The following NBPF19 variants were observed in gnomAD, a reference collection of about 807,000 sequenced individuals.
The protein encoded by NBPF19 is NBPF family member NBPF19.
NBPF19 carries 30 observed loss-of-function variants against 45.9 expected under a neutral mutation model. The ratio of observed to expected loss-of-function variants is 0.65; its 90% CI spans 0.49 to 0.89. The LOEUF is 0.89. NBPF19 is among the 40% of genes least tolerant of loss of function. The probability of loss-of-function intolerance (pLI) is 0.00; values close to 1 mark genes in which losing one functional copy is unlikely to be tolerated. For synonymous variants in NBPF19, 183 were observed against 181.2 expected (o/e 1.01, Z -0.08); for missense variants, 495 against 471.8 (o/e 1.05, Z -0.46).
intron 61 of NBPF19, among the ~76,000 whole-genome samples, 155 bp from the exon 62 acceptor site, chr1:149,529,019 C>G (rs1251998113): frequency 8.3e-6 from 1 of 120,784 alleles, no homozygotes; most frequent in Non-Finnish European, 1.7e-5. Context: ...TGGCCCTGTT[C>G]TGTCCCAACA....
chr1:149,486,107 C>T, intron 7 of NBPF19, 23 bp from the exon 8 acceptor site: 1 of 372,494 alleles, frequency 2.7e-6, no homozygotes, highest in Non-Finnish European at 4.6e-6. Context: ...CTTCTATCAT[C>T]CCTGTCCTGC....
At chr1:149,487,297 T>G in intron 8 of NBPF19, 35 bp from the exon 9 acceptor site, 2 of 1,511,088 alleles carry the variant, frequency 1.3e-6, no homozygotes, top group South Asian at 1.1e-5. Context: ...AAGGAAGAAC[T>G]TAATGTAAGA....
chr1:149,478,525 T>G (rs1275507121), intron 3 of NBPF19, among the ~76,000 whole-genome samples: 6 of 151,414 alleles, frequency 4.0e-5, no homozygotes, highest in African/African-American at 1.2e-4. Context: ...GGCTTTGTAT[T>G]TAGTGGCCGC....
chr1:149,490,975 G>A (rs2085841374), intron 13 of NBPF19, among the ~76,000 whole-genome samples, 164 bp from the exon 14 acceptor site: 1 of 127,020 alleles, frequency 7.9e-6, no homozygotes, highest in African/African-American at 3.2e-5. Flanking sequence ...TTTTCCATTT[G>A]GCCCTGTTCT....
intron 61 of NBPF19, among the ~76,000 whole-genome samples, 161 bp from the exon 62 acceptor site, chr1:149,529,013 C>T (rs1436022159): frequency 0.014 from 1,628 of 117,998 alleles, no homozygotes; most frequent in East Asian, 0.12. Context: ...TCCATTTGGC[C>T]CTGTTCTGTC....
chr1:149,485,639 C>G, intron 7 of NBPF19, among the ~76,000 whole-genome samples: 3 of 50,532 alleles, frequency 5.9e-5, no homozygotes, highest in African/African-American at 2.4e-4. Context: ...ATGCTTTCTT[C>G]CTATTTGTTG....
rs1320904248 is a variant in NBPF19, at chr1:149,475,432, T to G, written c.-399T>G. 6.6e-6 allele frequency among the ~76,000 whole-genome samples: 1 copy of G among 150,838 alleles called. No homozygotes were observed. The highest frequency in any genetic ancestry group is 1.5e-5 in the Non-Finnish European group (1 of 67,568). On this transcript the variant is annotated 5_prime_UTR_variant, in exon 1 of 94. An upstream open reading frame in the 5' UTR loses its in-frame stop. Transcript: ENST00000651566. ...AGAGATAAACAGTGAGGAATATGCTTAGATGTATTGGGAAAGACATGGGTC... is the reference window on the plus strand; with the variant it reads ...AGAGATAAACAGTGAGGAATATGCTGAGATGTATTGGGAAAGACATGGGTC...
In NBPF19 at chr1:149,495,680, CGT is replaced by C. The variant is rs1220744895; in HGVS notation, c.2223-199_2223-198del. On this transcript the variant is annotated intron_variant, in intron 19 of 93. Coordinates refer to ENST00000651566, the MANE Select transcript of NBPF19 (RefSeq NM_001351365.2). Reference sequence around the variant, plus strand: ...CTGTGTGTGTGTGTGTGTGTGTGTGCGTGTGTGTGTGTGTGTGTGTGTGTCCA... The same window carrying C: ...CTGTGTGTGTGTGTGTGTGTGTGTGCGTGTGTGTGTGTGTGTGTGTGTCCA... Among the ~76,000 whole-genome samples the C allele has an allele frequency of 7.2e-3, 250 of 34,742 alleles. No individual in the cohort carries two copies. In the East Asian group the frequency reaches 0.076, roughly 11 times the overall value. The allele number at this position is 34,742 out of a possible 152,430, so 22.8% of individuals were successfully genotyped here. A position where few individuals can be genotyped will look rare whatever the true frequency, so the allele number is the denominator to read the frequency against.
chr1:149,497,634 C>T lies in NBPF19; in HGVS notation c.2614C>T (p.Pro872Ser). ...GCLELTDSCQ[P>S]YRSAFYILEQ... ...TCTTGAACTGACTGACTCATGCCAGCCCTACAGAAGTGCCTTTTACATATT... is the reference window on the plus strand; with the variant it reads ...TCTTGAACTGACTGACTCATGCCAGTCCTACAGAAGTGCCTTTTACATATT... The change falls in exon 22 of 94, where the codon CCC (proline) becomes TCC (serine). Residue 872 changes from proline to serine, a missense_variant. Around this residue, in one of 8 missense-constraint regions of NBPF19, gnomAD observed 11 missense variants for 40.4 expected, o/e 0.27. Transcript: ENST00000651566. 4 of 117,702 alleles carry T rather than the reference C, an allele frequency of 3.4e-5. 2 individuals are homozygous for T. Among genetic ancestry groups the T allele is most frequent in the South Asian group, 3.2e-4 (4 of 12,460 alleles). The allele number at this position is 117,702 out of a possible 1,614,324, so 7.3% of individuals were successfully genotyped here.
rs1196900807 is a variant in NBPF19 at position 149,477,606 on chromosome 1, A to G, written c.176-339A>G. Reference sequence around the variant, plus strand: ...AAATCACTACTTCATGCCCCAGTGCAGTGTTTTAGAGGAGAGGCTGCAAGA... The same window carrying G: ...AAATCACTACTTCATGCCCCAGTGCGGTGTTTTAGAGGAGAGGCTGCAAGA... On this transcript the variant is annotated intron_variant, in intron 2 of 93. Transcript: ENST00000651566. Among the ~76,000 whole-genome samples the G allele has an allele frequency of 1.3e-5, 2 of 151,306 alleles. 1 individual carries two copies. The highest frequency in any genetic ancestry group is 4.9e-5 in the African/African-American group (2 of 41,158).
intron 7 of NBPF19, among the ~76,000 whole-genome samples, chr1:149,483,893 T>C (rs1476515567): frequency 7.1e-5 from 2 of 28,142 alleles, no homozygotes; most frequent in Non-Finnish European, 1.4e-4. Flanking sequence ...TTTTACACTG[T>C]TGGTGGGACT....
chr1:149,487,012 G>A (rs1192483211), intron 8 of NBPF19, among the ~76,000 whole-genome samples: 2 of 150,608 alleles, frequency 1.3e-5, no homozygotes, highest in Non-Finnish European at 3.0e-5. Context: ...GCTTAATATT[G>A]AAGTATCTCT....
rs2084788719 is a variant in NBPF19 at position 149,476,045 on chromosome 1, TC to T, written c.114del (p.Glu40ArgfsTer5). ...LAEKKQQFRN[L>X]KEKCFLTQLA... ...GAGAAGAAACAGCAGTTCAGAAACC[TC>T]AAAGAGAAATGTTTTCTAACTCAAC... On this transcript the variant is annotated frameshift_variant, in exon 2 of 94. Coordinates refer to ENST00000651566, the MANE Select transcript of NBPF19 (RefSeq NM_001351365.2). LOFTEE classifies it high-confidence loss of function. 1 of 1,606,008 alleles carries T rather than the reference TC, an allele frequency of 6.2e-7. No homozygotes were observed. The highest frequency in any genetic ancestry group is 8.5e-7 in the Non-Finnish European group (1 of 1,174,118).
Position 149,554,602 on chromosome 1 carries a change from A to C in NBPF19, c.11396A>C (p.Gln3799Pro). 2 of 1,608,328 alleles carry C rather than the reference A, an allele frequency of 1.2e-6. No individual in the cohort carries two copies. The highest frequency in any genetic ancestry group is 1.7e-6 in the Non-Finnish European group (2 of 1,176,786). Residue 3799 changes from glutamine to proline, a missense_variant, in exon 94 of 94, where the codon CAG becomes CCG. Physicochemically the swap from Gln to Pro is moderately conservative, Grantham distance 76. Around this residue, in one of 8 missense-constraint regions of NBPF19, gnomAD observed 248 missense variants for 95.4 expected, o/e 2.60. Coordinates refer to ENST00000651566, the MANE Select transcript of NBPF19 (RefSeq NM_001351365.2). ...TACTTTGAACTACCTGACTCATTCC[A>C]GCACTACAGAAGTGTGTTTTACTCA... is the stretch of plus-strand genomic sequence containing the variant. ...SMYFELPDSF[Q>P]HYRSVFYSFE... is the part of the protein sequence containing the mutation.
Position 149,515,066 on chromosome 1 carries a change from G to A in NBPF19, c.5281G>A (p.Ala1761Thr). 4.2e-6 allele frequency: 3 copies of A among 718,510 alleles called. 1 individual carries two copies. Among genetic ancestry groups the A allele is most frequent in the Non-Finnish European group, 7.2e-6 (3 of 415,640 alleles). The allele number at this position is 718,510 out of a possible 1,614,324, so 44.5% of individuals were successfully genotyped here. The stretch of plus-strand genomic sequence containing the variant: ...CCAGCCCTATGGAAGTTCCTTTTAT[G>A]CATTGGAGGAAAAACATGTTGGCTT... ...SCQPYGSSFY[A>T]LEEKHVGFSL... The change falls in exon 44 of 94, where the codon GCA becomes ACA. Residue 1761 changes from alanine (A) to threonine (T), a missense_variant. Ala to Thr is a moderately conservative substitution (Grantham distance 58). Coordinates refer to ENST00000651566, the MANE Select transcript of NBPF19 (RefSeq NM_001351365.2).
rs1434524049 is a variant in NBPF19 at position 149,484,975 on chromosome 1, ACTTCT to A, written c.825-1148_825-1144del. Among the ~76,000 whole-genome samples, 30 of 126,978 alleles carry A rather than the reference ACTTCT, an allele frequency of 2.4e-4. 2 individuals are homozygous for A. Among genetic ancestry groups the A allele is most frequent in the African/African-American group, 8.1e-4 (29 of 35,846 alleles). The allele number at this position is 126,978 out of a possible 152,430, so 83.3% of individuals were successfully genotyped here. On this transcript the variant is annotated intron_variant, in intron 7 of 93. Coordinates refer to ENST00000651566, the MANE Select transcript of NBPF19 (RefSeq NM_001351365.2). Reference sequence around the variant, plus strand: ...TTTCTTTTTACTCTTTTTTCTCTAAACTTCTCTTCTCGCTTCATTTCACTAATTTG... The same window carrying A: ...TTTCTTTTTACTCTTTTTTCTCTAAACTTCTCGCTTCATTTCACTAATTTG...
chr1:149,478,977 C>G lies in NBPF19; in HGVS notation c.376C>G (p.His126Asp), dbSNP rs2085010141. The G allele has an allele frequency of 1.3e-6, 2 of 1,594,578 alleles. No homozygotes were observed. The highest frequency in any genetic ancestry group is 2.7e-5 in the African/African-American group (2 of 74,184). Residue 126 changes from histidine to aspartate, a missense_variant, in exon 4 of 94, where the codon CAT becomes GAT. Around this residue, in one of 8 missense-constraint regions of NBPF19, gnomAD observed 69 missense variants for 87.8 expected, o/e 0.79. Transcript: ENST00000651566. ...AGATGCCTCCCGCTCATTGAATGAGCATCTCCAGGCCCTCCTCACTCCGGA... is the reference window on the plus strand; with the variant it reads ...AGATGCCTCCCGCTCATTGAATGAGGATCTCCAGGCCCTCCTCACTCCGGA... ...GRDASRSLNE[H>D]LQALLTPDEP...
At chr1:149,487,788 T>TGG (rs2085677230) in intron 9 of NBPF19, among the ~76,000 whole-genome samples, 1 of 145,688 alleles carries the variant, frequency 6.9e-6, no homozygotes, top group Non-Finnish European at 1.5e-5. Context: ...TGTGTGTGTG[T>TGG]GTGTGTGTGT....
chr1:149,487,782 T>TGTGTG (rs2101613863), intron 9 of NBPF19, among the ~76,000 whole-genome samples: 1 of 117,826 alleles, frequency 8.5e-6, no homozygotes, highest in South Asian at 3.2e-4. Context: ...GCTCTGTGTG[T>TGTGTG]GTGTGTGTGT....
Sources: allele counts gnomAD v4.1 joint callset (sites outside exome capture counted in the v4.1 genomes callset), GRCh38; gene constraint gnomAD v4.1.1; regional missense constraint gnomAD v4.1.1; transcripts MANE v1.5; gene names NCBI Gene and HGNC (gene_info 2026-07-23, HGNC 2026-07-21).